MAEL: variants seen among roughly 807,000 people sequenced by gnomAD.
MAEL encodes protein maelstrom homolog.
MAEL carries 46 observed loss-of-function variants against 62.0 expected under a neutral mutation model. The observed-to-expected ratio is 0.74, with a 90% CI of 0.59 to 0.95. The LOEUF (loss-of-function observed/expected upper bound fraction) is 0.95, where lower values mean the gene tolerates loss of function less well. Ranked by LOEUF, MAEL falls within the 40% of genes least tolerant of loss-of-function variation. The probability of loss-of-function intolerance (pLI) is 0.00; values close to 1 mark genes in which losing one functional copy is unlikely to be tolerated. For synonymous variants in MAEL, 172 were observed against 175.5 expected (o/e 0.98, Z 0.16); for missense variants, 497 against 526.8 (o/e 0.94, Z 0.55).
At chr1:167,005,161 G>T in intron 7 of MAEL, 31 bp downstream of exon 7, 4 of 1,612,626 alleles carry the variant, frequency 2.5e-6, no homozygotes, top group Non-Finnish European at 3.4e-6. Flanking sequence ...CTGCAGAAGT[G>T]CTTTATAGTT....
At chr1:167,016,145 A>G (rs1557987638) in intron 8 of MAEL, 77 bp from the exon 9 acceptor site, 2 of 1,243,140 alleles carry the variant, frequency 1.6e-6, no homozygotes, top group Non-Finnish European at 1.2e-6. Flanking sequence ...AAAAGATTTC[A>G]GATAGAAATC....
At chr1:167,013,924 C>G (rs1328777857) in intron 8 of MAEL, among the ~76,000 whole-genome samples, 1 of 152,136 alleles carries the variant, frequency 6.6e-6, no homozygotes, top group African/African-American at 2.4e-5. Flanking sequence ...CATGGGGGTT[C>G]TGGGAAGTAG....
chr1:166,986,635 C>CA (rs772917132), upstream of MAEL, among the ~76,000 whole-genome samples: 2 of 151,608 alleles, frequency 1.3e-5, no homozygotes, highest in African/African-American at 4.8e-5. Flanking sequence ...GAAAGTACAG[C>CA]AAAAAATAGT....
chr1:167,007,558 TG>T (rs1341915586), intron 8 of MAEL, among the ~76,000 whole-genome samples: 13 of 21,396 alleles, frequency 6.1e-4, no homozygotes, highest in African/African-American at 4.5e-3. Context: ...AATATATGTT[TG>T]TGTGTGTGTG....
intron 8 of MAEL, among the ~76,000 whole-genome samples, chr1:167,014,247 CA>C (rs1331991670): frequency 6.6e-6 from 1 of 152,206 alleles, no homozygotes; most frequent in Non-Finnish European, 1.5e-5. Flanking sequence ...TAAATTTGTG[CA>C]GGTGTTTAAT....
At chr1:167,002,506 A>G (rs1314559474) in intron 5 of MAEL, among the ~76,000 whole-genome samples, 5 of 152,194 alleles carry the variant, frequency 3.3e-5, no homozygotes, top group African/African-American at 1.2e-4. Flanking sequence ...TCGAGTGCTA[A>G]ACAGTGTATA....
intron 1 of MAEL, among the ~76,000 whole-genome samples, chr1:166,978,319 A>G (rs748967928): frequency 4.6e-5 from 7 of 152,234 alleles, no homozygotes; most frequent in African/African-American, 7.2e-5. Context: ...GGAGTGAATC[A>G]CAATGTGTGC....
In MAEL at chr1:167,006,628, T is replaced by C. The variant is rs1460535975; in HGVS notation, c.845+1231T>C. 1.2e-3 allele frequency among the ~76,000 whole-genome samples: 117 copies of C among 101,564 alleles called. 1 individual carries two copies. Among genetic ancestry groups the C allele is most frequent in the African/African-American group, 3.7e-3 (114 of 30,748 alleles). The allele number at this position is 101,564 out of a possible 152,430, so 66.6% of individuals were successfully genotyped here. A position where few individuals can be genotyped will look rare whatever the true frequency, so the allele number is the denominator to read the frequency against. ...ATATATATATATATATATATATATA[T>C]ATATATATACATTTTTTTTTTTTTT... On this transcript the variant is annotated intron_variant, in intron 8 of 11. Transcript: ENST00000367872.
Position 167,021,804 on chromosome 1 carries a change from A to G in MAEL, c.1254A>G (p.Ser418=), listed in dbSNP as rs1665643258. 3.7e-6 allele frequency: 6 copies of G among 1,612,296 alleles called. No homozygotes were observed. Among genetic ancestry groups the G allele is most frequent in the Non-Finnish European group, 5.1e-6 (6 of 1,178,854 alleles). Residue 418 remains serine (S), a synonymous_variant, in exon 12 of 12, where the codon TCA becomes TCG. Transcript: ENST00000367872. The part of the protein sequence containing the change: ...HKFSNCDTSL[S]PYMSQKDGYK... The stretch of plus-strand genomic sequence containing the variant: ...TCTCCAACTGTGACACTTCACTCTC[A>G]CCTTACATGTCCCAAAAAGATGGAT...
intron 8 of MAEL, among the ~76,000 whole-genome samples, chr1:167,007,447 T>A (rs1483633808): frequency 6.6e-6 from 1 of 152,188 alleles, no homozygotes; most frequent in Non-Finnish European, 1.5e-5. Context: ...TGGTTTCTTT[T>A]AGTGGAGCAT....
chr1:166,976,058 T>C (rs995192783), intron 1 of MAEL, among the ~76,000 whole-genome samples: 19 of 152,336 alleles, frequency 1.2e-4, no homozygotes, highest in African/African-American at 4.1e-4. Flanking sequence ...CTCCGCAGAA[T>C]TGAAAAAGGT....
chr1:166,989,618 G>A (rs1664071233), intron 1 of MAEL, 119 bp from the exon 2 acceptor site: 1 of 1,473,376 alleles, frequency 6.8e-7, no homozygotes, highest in Non-Finnish European at 9.2e-7. Flanking sequence ...CCCGTTTGTG[G>A]CCCTGGGCAA....
In MAEL at chr1:167,005,035, G is replaced by A. The variant is rs762336198; in HGVS notation, c.649-41G>A. 5.7e-6 allele frequency: 9 copies of A among 1,587,950 alleles called. No homozygotes were observed. The Admixed American group carries it at 1.4e-4, about 24-fold the overall frequency. The stretch of plus-strand genomic sequence containing the variant: ...TCATTCAAAGTAGGAGAAGATACAA[G>A]TAGTTTTTTTGTTTTGTTTTTTGTT... On this transcript the variant is annotated intron_variant, in intron 6 of 11. Transcript: ENST00000367872.
At chr1:167,020,778 A>G (rs959215089) in intron 10 of MAEL, among the ~76,000 whole-genome samples, 1 of 152,062 alleles carries the variant, frequency 6.6e-6, no homozygotes, top group Non-Finnish European at 1.5e-5. Flanking sequence ...ACTCAAGGAC[A>G]TGGCTTCAGT....
At chr1:166,986,235 G>A (rs933727789), upstream of MAEL, among the ~76,000 whole-genome samples, 1 of 149,668 alleles carries the variant, frequency 6.7e-6, no homozygotes, top group Non-Finnish European at 1.5e-5. Flanking sequence ...TTTAGGGGAT[G>A]GATATGTTCA....
chr1:166,989,136 C>T (rs796316202), upstream of MAEL: 22 of 629,120 alleles, frequency 3.5e-5, no homozygotes, highest in African/African-American at 3.5e-4. Flanking sequence ...CGACGGCGCT[C>T]TCCCCCCACC....
chr1:166,989,608 C>T lies in MAEL; in HGVS notation c.132+124C>T. The T allele has an allele frequency of 2.0e-6, 3 of 1,474,086 alleles. No homozygotes were observed. In the East Asian group the frequency reaches 7.3e-5, roughly 36 times the overall value. 91.3% of individuals were successfully genotyped at this position (1,474,086 alleles called of 1,614,324 possible). The stretch of plus-strand genomic sequence containing the variant: ...GCCCTGCCAGAGGAAGAGGAAGGCC[C>T]CCGTTTGTGGCCCTGGGCAAACCGA... On this transcript the variant is annotated intron_variant, in intron 1 of 11. Transcript: ENST00000367872.
rs1665653750 is a variant in MAEL, at chr1:167,021,963, CTACTT to C, written c.*109_*113del. On this transcript the variant is annotated 3_prime_UTR_variant, in exon 12 of 12. Transcript: ENST00000367872. The stretch of plus-strand genomic sequence containing the variant: ...ATGACAAATGTCACTACTATAAAAA[CTACTT>C]AATTTGTAAGGAAATTGTTTCATAG... 5.7e-6 allele frequency: 4 copies of C among 698,784 alleles called. No homozygotes were observed. The highest frequency in any genetic ancestry group is 9.1e-6 in the Non-Finnish European group (4 of 440,864). 43.3% of individuals were successfully genotyped at this position (698,784 alleles called of 1,614,324 possible).
At chr1:166,991,051 A>T (rs1055435571) in intron 2 of MAEL, among the ~76,000 whole-genome samples, 2 of 152,220 alleles carry the variant, frequency 1.3e-5, no homozygotes, top group African/African-American at 4.8e-5. Flanking sequence ...GCAAAATTAG[A>T]GTACTTTGGG....
Sources: gnomAD v4.1 joint callset for allele counts (sites outside exome capture counted in the v4.1 genomes callset) on GRCh38, gnomAD v4.1.1 for gene constraint, MANE v1.5 for transcripts, NCBI Gene and HGNC (gene_info 2026-07-23, HGNC 2026-07-21) for gene names.